The following FRMPD3 variants were observed in gnomAD, a reference collection of about 807,000 sequenced individuals.
FRMPD3 encodes the protein FERM and PDZ domain-containing protein 3.
A neutral mutation model predicts 97.9 loss-of-function variants in FRMPD3; 42 were observed. The observed-to-expected ratio is 0.43, with a 90% CI of 0.34 to 0.55. FRMPD3 has a LOEUF of 0.55. Ranked by LOEUF, FRMPD3 falls within the 20% of genes least tolerant of loss-of-function variation. The pLI is 0.03. For missense variants in FRMPD3, 1,303 were observed against 1,457.7 expected, an observed-to-expected ratio of 0.89 and a Z score of 1.73; for synonymous variants, 577 against 581.1, an observed-to-expected ratio of 0.99 and a Z score of 0.10.
chrX:107,541,479 T>G (rs941057649), intron 4 of FRMPD3, among the ~76,000 whole-genome samples: 2 of 112,632 alleles, frequency 1.8e-5, no homozygotes, highest in Admixed American at 9.4e-5. Context: ...GACTGAAGTA[T>G]AAACAAGCTG....
At chrX:107,518,441 G>A (rs1354322938) in intron 1 of FRMPD3, among the ~76,000 whole-genome samples, 2 of 111,763 alleles carry the variant, frequency 1.8e-5, no homozygotes, top group Non-Finnish European at 3.8e-5. Context: ...GATGGAGTGA[G>A]TGAAGCGGAA....
At chrX:107,528,924 A>G (rs1434413007) in intron 2 of FRMPD3, among the ~76,000 whole-genome samples, 1 of 112,277 alleles carries the variant, frequency 8.9e-6, no homozygotes, top group Non-Finnish European at 1.9e-5. Flanking sequence ...TAGGCTCTAC[A>G]CTCCAGAGCC....
intron 2 of FRMPD3, among the ~76,000 whole-genome samples, chrX:107,527,353 C>G (rs757487436): frequency 8.9e-6 from 1 of 112,201 alleles, no homozygotes; most frequent in Admixed American, 9.4e-5. Flanking sequence ...TCACAGCCAC[C>G]CCTGCAAAGT....
At chrX:107,498,628 G>A (rs1042328486) in intron 1 of FRMPD3, among the ~76,000 whole-genome samples, 2 of 111,651 alleles carry the variant, frequency 1.8e-5, no homozygotes, top group African/African-American at 6.5e-5. Flanking sequence ...GACCTAGTGA[G>A]AGAGTAGAGC....
intron 4 of FRMPD3, among the ~76,000 whole-genome samples, chrX:107,535,248 G>A (rs1426796714): frequency 8.9e-6 from 1 of 112,208 alleles, no homozygotes; most frequent in Non-Finnish European, 1.9e-5. Context: ...TTTTTCATCA[G>A]AGCTGAAATA....
rs1266601722 is a variant in FRMPD3, at chrX:107,545,725, T to C, written c.298-12T>C. ...ATATGGAGAACTCACCATCTCTCTG[T>C]TCTTTTTCCAGTCCCCCAAATCTGC... On this transcript the variant is annotated splice_polypyrimidine_tract_variant and intron_variant, in intron 4 of 14. Coordinates refer to ENST00000683843, the MANE Select transcript of FRMPD3 (RefSeq NM_001388459.1). 8 of 1,197,125 alleles carry C rather than the reference T, an allele frequency of 6.7e-6. No individual in the cohort carries two copies. Among genetic ancestry groups the C allele is most frequent in the Non-Finnish European group, 7.9e-6 (7 of 883,024 alleles).
intron 12 of FRMPD3, among the ~76,000 whole-genome samples, chrX:107,568,928 AGG>A (rs752521171): frequency 2.8e-5 from 3 of 105,930 alleles, no homozygotes; most frequent in Non-Finnish European, 3.8e-5. Flanking sequence ...AGAGAGAGAG[AGG>A]GAGAGAGAGA....
In FRMPD3 at chrX:107,601,631, C is replaced by T. The variant is rs1924515195; in HGVS notation, c.3592C>T (p.His1198Tyr). Residue 1198 changes from histidine (H) to tyrosine (Y), a missense_variant, in exon 15 of 15, where the codon CAC becomes TAC. His to Tyr is a moderately conservative substitution (Grantham distance 83). Around this residue, in one of 3 missense-constraint regions of FRMPD3, gnomAD observed 764 missense variants for 820.2 expected, o/e 0.93. Transcript: ENST00000683843. ...GCTTGAAACAACTCTCAATGGAGCC[C>T]ACTCGACCTCTGAAGGCCCTGCCAA... is the stretch of plus-strand genomic sequence containing the variant. ...RKLETTLNGA[H>Y]STSEGPAKPK... is the part of the protein sequence containing the mutation. 8.3e-7 allele frequency: 1 copy of T among 1,210,972 alleles called. No individual in the cohort carries two copies. Among genetic ancestry groups the T allele is most frequent in the East Asian group, 3.0e-5 (1 of 33,834 alleles).
chrX:107,535,031 A>C (rs1398460455), intron 4 of FRMPD3, among the ~76,000 whole-genome samples: 1 of 111,106 alleles, frequency 9.0e-6, no homozygotes, highest in Non-Finnish European at 1.9e-5. Context: ...GTCAGTCCCA[A>C]CCTCCCAACC....
At chrX:107,507,898 G>A (rs185535330) in intron 1 of FRMPD3, among the ~76,000 whole-genome samples, 1 of 111,975 alleles carries the variant, frequency 8.9e-6, no homozygotes, top group Admixed American at 9.4e-5. Context: ...ATAACTATGT[G>A]CCCGACATTG....
At chrX:107,463,577 C>G (rs374248268) in intron 1 of FRMPD3, among the ~76,000 whole-genome samples, 1 of 112,329 alleles carries the variant, frequency 8.9e-6, no homozygotes, top group East Asian at 2.8e-4. Flanking sequence ...CAATTGTAAT[C>G]CCCCCACTAT....
intron 1 of FRMPD3, chrX:107,522,551 C>T: frequency 2.1e-6 from 1 of 485,769 alleles, no homozygotes; most frequent in South Asian, 3.1e-5. Flanking sequence ...CCCAGCTGGG[C>T]CACCAATGTG....
intron 1 of FRMPD3, among the ~76,000 whole-genome samples, chrX:107,495,685 G>T (rs1921758373): frequency 1.8e-5 from 2 of 111,528 alleles, no homozygotes. Flanking sequence ...GAAGACATAG[G>T]GTGGGCATAC....
chrX:107,500,623 G>A (rs1197765802), intron 1 of FRMPD3, among the ~76,000 whole-genome samples: 2 of 110,875 alleles, frequency 1.8e-5, no homozygotes, highest in East Asian at 2.8e-4. Flanking sequence ...GTGAAACCCC[G>A]TCTCTACTAA....
chrX:107,529,046 G>A (rs945698917), intron 2 of FRMPD3, among the ~76,000 whole-genome samples: 4 of 112,772 alleles, frequency 3.5e-5, no homozygotes, highest in Admixed American at 9.3e-5. Flanking sequence ...CCTTCAAAGT[G>A]GACACAAACT....
intron 12 of FRMPD3, among the ~76,000 whole-genome samples, chrX:107,575,875 T>C (rs1923091150): frequency 9.0e-6 from 1 of 111,703 alleles, no homozygotes; most frequent in African/African-American, 3.3e-5. Context: ...CAGGGGCATG[T>C]GAAGATGAGC....
rs1458288455 is a variant in FRMPD3, at chrX:107,601,965, G to A, written c.3926G>A (p.Arg1309Gln). The change falls in exon 15 of 15, where the codon CGG becomes CAG. Residue 1309 changes from arginine (R) to glutamine (Q), a missense_variant. Transcript: ENST00000683843. ...TGCAAGCGCATCTGCCGGGGGGGCC[G>A]GCCACAAGCCACCCAGACACCAGTG... ...CDCKRICRGG[R>Q]PQATQTPVPS... The A allele has an allele frequency of 1.9e-5, 22 of 1,172,110 alleles. No homozygotes were observed. Among genetic ancestry groups the A allele is most frequent in the Non-Finnish European group, 2.5e-5 (22 of 877,324 alleles).
At chrX:107,458,062 C>T (rs1931408721) in intron 1 of FRMPD3, among the ~76,000 whole-genome samples, 1 of 111,802 alleles carries the variant, frequency 8.9e-6, no homozygotes, top group South Asian at 3.8e-4. Flanking sequence ...CTATGTCTCA[C>T]TCGGCAGCCT....
chrX:107,568,932 A>G (rs1014825685), intron 12 of FRMPD3, among the ~76,000 whole-genome samples: 3 of 105,566 alleles, frequency 2.8e-5, no homozygotes, highest in Admixed American at 2.0e-4. Context: ...AGAGAGAGGG[A>G]GAGAGAGAGA....
Sources: allele counts gnomAD v4.1 joint callset (sites outside exome capture counted in the v4.1 genomes callset), GRCh38; gene constraint gnomAD v4.1.1; regional missense constraint gnomAD v4.1.1; transcripts MANE v1.5; gene names NCBI Gene and HGNC (gene_info 2026-07-23, HGNC 2026-07-21).